The following KAT6A variants were observed in gnomAD, a reference collection of about 807,000 sequenced individuals.
KAT6A encodes the protein histone acetyltransferase KAT6A.
In KAT6A, 9 loss-of-function variants were observed where a neutral mutation model predicts 198.4. The observed-to-expected ratio is 0.05, with a 90% CI of 0.03 to 0.08. The LOEUF (loss-of-function observed/expected upper bound fraction) is 0.08, where lower values mean the gene tolerates loss of function less well. KAT6A is among the 10% of genes least tolerant of loss of function. The pLI, the probability that KAT6A is intolerant of heterozygous loss-of-function variation, is 1.00. For synonymous variants in KAT6A, 890 were observed against 883.0 expected, an observed-to-expected ratio of 1.01 and a Z score of -0.14; for missense variants, 2,077 against 2,509.9, an observed-to-expected ratio of 0.83 and a Z score of 3.69.
chr8:42,025,414 T>C (rs1052037731), intron 2 of KAT6A, among the ~76,000 whole-genome samples: 2 of 126,456 alleles, frequency 1.6e-5, no homozygotes, highest in East Asian at 2.2e-4. Context: ...GGTTTCGCCA[T>C]GTTGGGTAGG....
At chr8:42,003,305 T>A (rs1373103035) in intron 2 of KAT6A, among the ~76,000 whole-genome samples, 1 of 152,092 alleles carries the variant, frequency 6.6e-6, no homozygotes, top group African/African-American at 2.4e-5. Flanking sequence ...GGGCAAGACA[T>A]CTTTTTGAGA....
intron 7 of KAT6A, among the ~76,000 whole-genome samples, chr8:41,976,377 T>C (rs774785627): frequency 2.8e-4 from 42 of 152,210 alleles, no homozygotes; most frequent in Non-Finnish European, 4.7e-4. Context: ...CAAATTCTTC[T>C]CCTCTGACTT....
chr8:42,010,284 G>A (rs1331664437), intron 2 of KAT6A, among the ~76,000 whole-genome samples: 4 of 152,234 alleles, frequency 2.6e-5, no homozygotes, highest in East Asian at 3.9e-4. Flanking sequence ...CAGCCTGGGT[G>A]ACTGGTATTG....
chr8:41,949,600 GGATA>G (rs1179669686), intron 9 of KAT6A, among the ~76,000 whole-genome samples: 2 of 151,998 alleles, frequency 1.3e-5, no homozygotes, highest in African/African-American at 4.8e-5. Context: ...CTATCAATTT[GGATA>G]GTTATGCTTA....
rs542184116 is a variant in KAT6A at position 41,933,268 on chromosome 8, G to GGCT, written c.4949_4951dup (p.Gln1650dup). ...TGGCTGCTGTGGAGGCGGTGGTGGCGGCTGCTGCTGCTGGTTACTGGGAGG... is the reference window on the plus strand; with the variant it reads ...TGGCTGCTGTGGAGGCGGTGGTGGCGGCTGCTGCTGCTGCTGGTTACTGGGAGG... On this transcript the variant is annotated inframe_insertion, in exon 17 of 17. Coordinates refer to ENST00000265713, the MANE Select transcript of KAT6A (RefSeq NM_006766.5). The surrounding 1 kb of genome is among the most constrained non-coding windows in gnomAD (Gnocchi z 6.2). 142 of 1,565,254 alleles carry GGCT rather than the reference G, an allele frequency of 9.1e-5. 2 individuals are homozygous for GGCT. In the African/African-American group the frequency reaches 1.3e-3, roughly 14 times the overall value.
Position 41,997,644 on chromosome 8 carries a change from T to C in KAT6A, c.601-10081A>G, listed in dbSNP as rs556873531. 1.6e-4 allele frequency among the ~76,000 whole-genome samples: 24 copies of C among 152,226 alleles called. 1 individual carries two copies. The highest frequency in any genetic ancestry group is 4.6e-4 in the Admixed American group (7 of 15,288). The stretch of plus-strand genomic sequence containing the variant: ...CCACCATATATCTTATCCATCCAGG[T>C]TACTCTGAGCATAAACCACCATAAG... On this transcript the variant is annotated intron_variant, in intron 2 of 16. Transcript: ENST00000265713.
In KAT6A at chr8:41,932,307, G is replaced by A. The variant is rs140266175; in HGVS notation, c.5913C>T (p.Asn1971=). ...QAYTQQPMQP[N]PHGNMMYTGP... Reference sequence around the variant, plus strand: ...CTGTGTACATCATGTTCCCATGAGGGTTAGGCTGCATAGGCTGCTGGGTAT... The same window carrying A: ...CTGTGTACATCATGTTCCCATGAGGATTAGGCTGCATAGGCTGCTGGGTAT... Residue 1971 remains asparagine (N), a synonymous_variant, in exon 17 of 17, where the codon AAC becomes AAT. Coordinates refer to ENST00000265713, the MANE Select transcript of KAT6A (RefSeq NM_006766.5). 5,787 of 1,614,202 alleles carry A rather than the reference G, an allele frequency of 3.6e-3. 20 individuals carry two copies. The highest frequency in any genetic ancestry group is 5.1e-3 in the Middle Eastern group (31 of 6,062).
At chr8:41,965,673 T>C (rs776516093) in intron 8 of KAT6A, among the ~76,000 whole-genome samples, 5 of 152,190 alleles carry the variant, frequency 3.3e-5, no homozygotes, top group African/African-American at 4.8e-5. Flanking sequence ...AAGTGAGGAA[T>C]AGCTGGAGTT....
At chr8:41,976,954 G>T in intron 7 of KAT6A, 54 bp downstream of exon 7, 2 of 1,352,172 alleles carry the variant, frequency 1.5e-6, no homozygotes, top group Non-Finnish European at 1.0e-6. Context: ...GTGTTATCCC[G>T]AATAATACAT....
In KAT6A at chr8:42,049,360, A is replaced by T. The variant is rs910631348; in HGVS notation, c.-325-58T>A. 3 of 241,172 alleles carry T rather than the reference A, an allele frequency of 1.2e-5. No individual in the cohort carries two copies. In the Admixed American group the frequency reaches 1.5e-4, roughly 12 times the overall value. 14.9% of individuals were successfully genotyped at this position (241,172 alleles called of 1,614,324 possible). On this transcript the variant is annotated intron_variant, in intron 1 of 16. Coordinates refer to ENST00000265713, the MANE Select transcript of KAT6A (RefSeq NM_006766.5). Reference sequence around the variant, plus strand: ...ACCAAGACCTATTTCGAATGAAAATAAGCATCCTCATCATAAAGCAATCAA... The same window carrying T: ...ACCAAGACCTATTTCGAATGAAAATTAGCATCCTCATCATAAAGCAATCAA...
intron 3 of KAT6A, among the ~76,000 whole-genome samples, chr8:41,986,292 T>A (rs1824598260): frequency 6.6e-6 from 1 of 152,196 alleles, no homozygotes; most frequent in Non-Finnish European, 1.5e-5. Context: ...ACTGGCAAAT[T>A]AGGAGATTCT....
intron 2 of KAT6A, among the ~76,000 whole-genome samples, chr8:42,044,922 C>T (rs1020428917): frequency 1.3e-5 from 2 of 152,186 alleles, no homozygotes; most frequent in Non-Finnish European, 2.9e-5. Context: ...TTCGTAACAG[C>T]AAACTATCAA....
intron 2 of KAT6A, among the ~76,000 whole-genome samples, chr8:41,998,638 A>G (rs985762735): frequency 6.6e-6 from 1 of 152,126 alleles, no homozygotes; most frequent in Non-Finnish European, 1.5e-5. Context: ...TTAAAATGCA[A>G]TGAAACCATG....
intron 3 of KAT6A, among the ~76,000 whole-genome samples, chr8:41,982,633 A>G (rs948466324): frequency 3.3e-5 from 5 of 152,126 alleles, no homozygotes; most frequent in Non-Finnish European, 7.4e-5. Context: ...CACTGCATAC[A>G]CTACCCATTT....
At chr8:42,011,857 C>T (rs750730701) in intron 2 of KAT6A, among the ~76,000 whole-genome samples, 1 of 139,490 alleles carries the variant, frequency 7.2e-6, no homozygotes, top group Non-Finnish European at 1.5e-5. Flanking sequence ...CCAAAACTAA[C>T]TTTAGGAAGA....
intron 12 of KAT6A, among the ~76,000 whole-genome samples, chr8:41,945,985 A>ACGCCAC (rs1340953275): frequency 6.6e-6 from 1 of 151,180 alleles, no homozygotes. Flanking sequence ...AGCCGAGATC[A>ACGCCAC]CGCCACTGCA....
intron 2 of KAT6A, among the ~76,000 whole-genome samples, chr8:42,011,281 C>A (rs1425372766): frequency 6.6e-6 from 1 of 152,132 alleles, no homozygotes; most frequent in East Asian, 1.9e-4. Context: ...CCCTCTAAAA[C>A]CACTGACACA....
intron 8 of KAT6A, among the ~76,000 whole-genome samples, chr8:41,969,824 CTTAAGT>C (rs1171851147): frequency 6.6e-6 from 1 of 152,110 alleles, no homozygotes; most frequent in Non-Finnish European, 1.5e-5. Context: ...ACTTCAGTTC[CTTAAGT>C]TTATCAACCT....
intron 2 of KAT6A, among the ~76,000 whole-genome samples, chr8:41,989,720 G>C (rs1185078244): frequency 6.6e-6 from 1 of 152,168 alleles, no homozygotes; most frequent in Non-Finnish European, 1.5e-5. Context: ...TGGCATTAAA[G>C]CCATCAGAAT....
Sources: gnomAD v4.1 joint callset for allele counts (sites outside exome capture counted in the v4.1 genomes callset) on GRCh38, gnomAD v4.1.1 for gene constraint, Gnocchi (gnomAD v3.1) non-coding constraint, MANE v1.5 for transcripts, NCBI Gene and HGNC (gene_info 2026-07-23, HGNC 2026-07-21) for gene names.